Variants in KCNJ6 observed in about 807,000 individuals in gnomAD.
KCNJ6 encodes the protein potassium inwardly rectifying channel subfamily J member 6.
In KCNJ6, 9 loss-of-function variants were observed where a neutral mutation model predicts 34.2. The observed-to-expected ratio is 0.26, with a 90% CI of 0.16 to 0.46. The LOEUF (loss-of-function observed/expected upper bound fraction) is 0.46, where lower values mean the gene tolerates loss of function less well. Ranked by LOEUF, KCNJ6 falls within the 20% of genes least tolerant of loss-of-function variation. KCNJ6 has a pLI of 1.00. For missense variants in KCNJ6, 236 were observed against 531.3 expected (o/e 0.44, Z 5.46); for synonymous variants, 196 against 207.1 (o/e 0.95, Z 0.46).
chr21:37,819,977 G>A (rs565280018), intron 2 of KCNJ6, among the ~76,000 whole-genome samples: 107 of 151,860 alleles, frequency 7.0e-4, no homozygotes, highest in Non-Finnish European at 1.4e-3. Flanking sequence ...TGGTAGAGTC[G>A]GGGTTTCACC....
At chr21:37,744,049 G>T (rs2054954199) in intron 2 of KCNJ6, among the ~76,000 whole-genome samples, 1 of 150,530 alleles carries the variant, frequency 6.6e-6, no homozygotes, top group Non-Finnish European at 1.5e-5. Flanking sequence ...ATAATGGATA[G>T]TATATCGCAA....
Position 37,714,409 on chromosome 21 carries a change from C to T in KCNJ6, c.748G>A (p.Gly250Arg). ...KLIKSKQTSE[G>R]EFIPLNQTDI... ...GTCTGGTTCAACGGGATGAACTCCC[C>T]CTCCGAGGTCTGTTTGGATTTGATC... Residue 250 changes from glycine (G) to arginine (R), a missense_variant, in exon 3 of 4, where the codon GGG becomes AGG. By Grantham distance (125) the Gly-to-Arg change is moderately radical. Around this residue, in one of 5 missense-constraint regions of KCNJ6, gnomAD observed 60 missense variants for 207.3 expected, o/e 0.29. Coordinates refer to ENST00000609713, the MANE Select transcript of KCNJ6 (RefSeq NM_002240.5). The surrounding 1 kb of genome is among the most constrained non-coding windows in gnomAD (Gnocchi z 5.9). 3 of 1,614,170 alleles carry T rather than the reference C, an allele frequency of 1.9e-6. No individual in the cohort carries two copies. The highest frequency in any genetic ancestry group is 2.5e-6 in the Non-Finnish European group (3 of 1,180,020).
At chr21:37,674,875 A>G (rs2054557650) in intron 3 of KCNJ6, among the ~76,000 whole-genome samples, 1 of 152,146 alleles carries the variant, frequency 6.6e-6, no homozygotes, top group Non-Finnish European at 1.5e-5. Flanking sequence ...AGGGCAATAA[A>G]CGACGAATGA....
Position 37,882,516 on chromosome 21 carries a change from T to G in KCNJ6, c.-28+33368A>C, listed in dbSNP as rs1039390953. On this transcript the variant is annotated intron_variant, in intron 1 of 3. Transcript: ENST00000609713. ...ACTTACACGCAGCAAATACCAGCCCTTCGCCCCCAGCCTTTCCTCTTGCAG... is the reference window on the plus strand; with the variant it reads ...ACTTACACGCAGCAAATACCAGCCCGTCGCCCCCAGCCTTTCCTCTTGCAG... 2.6e-5 allele frequency among the ~76,000 whole-genome samples: 4 copies of G among 152,198 alleles called. No homozygotes were observed. In the East Asian group the frequency reaches 7.7e-4, roughly 29 times the overall value.
chr21:37,873,904 C>T (rs1453143378), intron 1 of KCNJ6, among the ~76,000 whole-genome samples: 1 of 152,178 alleles, frequency 6.6e-6, no homozygotes, highest in African/African-American at 2.4e-5. Flanking sequence ...CATTCCTCAG[C>T]ATTTTTCCAG....
Position 37,853,846 on chromosome 21 carries a change from G to GTGTATATATATATATA in KCNJ6, c.-27-13138_-27-13137insTATATATATATATACA, listed in dbSNP as rs71198897. ...GTAGTTAAGAGATACATATATATAT[G>GTGTATATATATATATA]TATATATATATATATAAATTACATT... On this transcript the variant is annotated intron_variant, in intron 1 of 3. Coordinates refer to ENST00000609713, the MANE Select transcript of KCNJ6 (RefSeq NM_002240.5). Among the ~76,000 whole-genome samples the GTGTATATATATATATA allele has an allele frequency of 1.0e-3, 120 of 115,940 alleles. 5 individuals carry two copies. Among genetic ancestry groups the GTGTATATATATATATA allele is most frequent in the African/African-American group, 3.5e-3 (89 of 25,100 alleles). 76.1% of individuals were successfully genotyped at this position (115,940 alleles called of 152,430 possible).
intron 1 of KCNJ6, among the ~76,000 whole-genome samples, chr21:37,874,395 T>A (rs9974219): frequency 0.3 from 44,997 of 152,106 alleles, 7,512 homozygotes; most frequent in African/African-American, 0.45. Context: ...AGTGGCCAGA[T>A]TTATTATCTC....
intron 1 of KCNJ6, among the ~76,000 whole-genome samples, chr21:37,868,723 C>T (rs950132247): frequency 6.6e-6 from 1 of 152,184 alleles, no homozygotes; most frequent in Non-Finnish European, 1.5e-5. Flanking sequence ...TGTAAATTCT[C>T]ACAGCTCAAG....
chr21:37,890,424 A>C (rs1458559107), intron 1 of KCNJ6, among the ~76,000 whole-genome samples: 1 of 152,226 alleles, frequency 6.6e-6, no homozygotes, highest in Non-Finnish European at 1.5e-5. Context: ...CAGCCAAATC[A>C]CATCAACTTC....
chr21:37,883,694 T>C (rs2055721366), intron 1 of KCNJ6, among the ~76,000 whole-genome samples: 2 of 152,228 alleles, frequency 1.3e-5, no homozygotes, highest in African/African-American at 2.4e-5. Flanking sequence ...TGTCACTTTC[T>C]GATTGTTTAG....
At chr21:37,683,030 C>T (rs1209109902) in intron 3 of KCNJ6, among the ~76,000 whole-genome samples, 1 of 152,248 alleles carries the variant, frequency 6.6e-6, no homozygotes. Flanking sequence ...TTTGTTTTCC[C>T]AAGTAAATCC....
At chr21:37,658,113 G>T (rs918080351) in intron 3 of KCNJ6, among the ~76,000 whole-genome samples, 2 of 147,586 alleles carry the variant, frequency 1.4e-5, no homozygotes, top group Non-Finnish European at 3.0e-5. Context: ...AACCTGGTGG[G>T]GGCAGGGAAC....
chr21:37,682,791 C>T (rs1023059281), intron 3 of KCNJ6, among the ~76,000 whole-genome samples: 15 of 152,136 alleles, frequency 9.9e-5, no homozygotes, highest in Non-Finnish European at 1.6e-4. Context: ...GTCCTCTGTC[C>T]GCCCAGGGGT....
chr21:37,841,796 A>T (rs1568868162), intron 1 of KCNJ6, among the ~76,000 whole-genome samples: 1 of 152,190 alleles, frequency 6.6e-6, no homozygotes, highest in Non-Finnish European at 1.5e-5. Context: ...TTATATCATC[A>T]TTTCCTTTAC....
chr21:37,863,981 C>T (rs2055609064), intron 1 of KCNJ6, among the ~76,000 whole-genome samples: 1 of 150,120 alleles, frequency 6.7e-6, no homozygotes, highest in Non-Finnish European at 1.5e-5. Flanking sequence ...AAAATATCAG[C>T]TTTTCAGGCC....
At chr21:37,906,159 C>T (rs1423997276) in intron 1 of KCNJ6, among the ~76,000 whole-genome samples, 2 of 152,214 alleles carry the variant, frequency 1.3e-5, no homozygotes, top group African/African-American at 4.8e-5. Context: ...AAATAACCTG[C>T]ATAACAGAGA....
At chr21:37,771,783 C>T (rs2055118849) in intron 2 of KCNJ6, among the ~76,000 whole-genome samples, 1 of 152,110 alleles carries the variant, frequency 6.6e-6, no homozygotes, top group Non-Finnish European at 1.5e-5. Flanking sequence ...TGGAACTTCC[C>T]AAAGTATGCT....
chr21:37,699,334 A>G (rs2054678547), intron 3 of KCNJ6, among the ~76,000 whole-genome samples: 1 of 152,162 alleles, frequency 6.6e-6, no homozygotes, highest in Admixed American at 6.5e-5. Context: ...TTTACCTTTC[A>G]AAAGGCCTTT....
At chr21:37,881,667 C>T (rs1402664002) in intron 1 of KCNJ6, among the ~76,000 whole-genome samples, 4 of 152,164 alleles carry the variant, frequency 2.6e-5, no homozygotes, top group Non-Finnish European at 4.4e-5. Flanking sequence ...AAGTATGAGT[C>T]TCCACCTCTT....
Sources: gnomAD v4.1 joint callset for allele counts (sites outside exome capture counted in the v4.1 genomes callset) on GRCh38, gnomAD v4.1.1 for gene constraint, gnomAD v4.1.1 regional missense constraint, Gnocchi (gnomAD v3.1) non-coding constraint, MANE v1.5 for transcripts, NCBI Gene and HGNC (gene_info 2026-07-23, HGNC 2026-07-21) for gene names.